Variants in BMPER observed in about 807,000 individuals in gnomAD.
The protein encoded by BMPER is BMP-binding endothelial regulator protein.
A neutral mutation model predicts 87.3 loss-of-function variants in BMPER; 45 were observed. The ratio of observed to expected loss-of-function variants is 0.52; its 90% CI spans 0.41 to 0.66. BMPER has a LOEUF of 0.66. Among genes scored for constraint, BMPER ranks in the 30% least tolerant of loss-of-function variants. BMPER has a pLI of 0.00. For synonymous variants in BMPER, 326 were observed against 316.2 expected, an observed-to-expected ratio of 1.03 and a Z score of -0.33; for missense variants, 784 against 867.5, an observed-to-expected ratio of 0.90 and a Z score of 1.21.
At position 34,085,824 on chromosome 7, in the gene BMPER, C is replaced by G. The variant is rs748815729; in HGVS notation, c.1477C>G (p.Leu493Val). Residue 493 changes from leucine (L) to valine (V), a missense_variant, in exon 13 of 15, where the codon CTC (leucine) becomes GTC (valine). Leu to Val is a conservative substitution (Grantham distance 32). Coordinates refer to ENST00000649409, the MANE Select transcript of BMPER (RefSeq NM_001365308.1). ...GGCTGCGCCGCATCTCAAGGGCAAG[C>G]TCTGTGGTCTTTGTGGCAACTACAA... Reference protein sequence around the residue: ...VMAAPHLKGKLCGLCGNYNGH... With the variant: ...VMAAPHLKGKVCGLCGNYNGH... 1.7e-5 allele frequency: 27 copies of G among 1,614,078 alleles called. No individual in the cohort carries two copies. Among genetic ancestry groups the G allele is most frequent in the African/African-American group, 2.7e-5 (2 of 74,924 alleles).
intron 11 of BMPER, among the ~76,000 whole-genome samples, chr7:34,077,706 T>G (rs1229125025): frequency 6.6e-6 from 1 of 152,224 alleles, no homozygotes; most frequent in Non-Finnish European, 1.5e-5. Context: ...CCAAACACTT[T>G]AGAAATTAAA....
chr7:34,002,277 C>T (rs941972911), intron 6 of BMPER, among the ~76,000 whole-genome samples: 1 of 151,630 alleles, frequency 6.6e-6, no homozygotes. Context: ...TACAATCATT[C>T]TGTTTTTTAC....
At chr7:34,039,323 A>C (rs183821548) in intron 6 of BMPER, among the ~76,000 whole-genome samples, 40 of 152,252 alleles carry the variant, frequency 2.6e-4, no homozygotes, top group African/African-American at 9.6e-4. Flanking sequence ...AAAAATGCGC[A>C]TTCCTGGACT....
chr7:34,034,336 TC>T (rs1468068407), intron 6 of BMPER, among the ~76,000 whole-genome samples: 2 of 152,190 alleles, frequency 1.3e-5, no homozygotes, highest in African/African-American at 2.4e-5. Flanking sequence ...CTGACATAGA[TC>T]ATCTTTCAGT....
chr7:33,960,960 A>T (rs1032687327), intron 3 of BMPER, among the ~76,000 whole-genome samples: 4 of 152,174 alleles, frequency 2.6e-5, no homozygotes, highest in African/African-American at 9.7e-5. Flanking sequence ...GTTTCATAGA[A>T]GGCTTCCTAG....
intron 5 of BMPER, 93 bp from the exon 6 acceptor site, chr7:33,974,609 G>T (rs1239005702): frequency 7.3e-6 from 9 of 1,235,424 alleles, no homozygotes; most frequent in Non-Finnish European, 1.1e-5. Context: ...GCTGTGTGGA[G>T]GTGGGCAACG....
At chr7:34,011,337 G>C (rs1337294357) in intron 6 of BMPER, among the ~76,000 whole-genome samples, 1 of 151,752 alleles carries the variant, frequency 6.6e-6, no homozygotes, top group African/African-American at 2.4e-5. Flanking sequence ...GGCATACTTT[G>C]AGTAGCAAGG....
At chr7:33,980,866 G>A (rs1035087183) in intron 6 of BMPER, among the ~76,000 whole-genome samples, 3 of 152,190 alleles carry the variant, frequency 2.0e-5, no homozygotes, top group Non-Finnish European at 4.4e-5. Flanking sequence ...AAGCCCTGAA[G>A]TCCATAAACA....
At chr7:33,974,828 G>A in intron 6 of BMPER, 44 bp downstream of exon 6, 1 of 1,584,610 alleles carries the variant, frequency 6.3e-7, no homozygotes, top group Non-Finnish European at 8.7e-7. Flanking sequence ...TTTGGGCAAA[G>A]CACTTCTTGT....
At chr7:34,105,968 C>A (rs1277674987) in intron 13 of BMPER, among the ~76,000 whole-genome samples, 1 of 152,152 alleles carries the variant, frequency 6.6e-6, no homozygotes, top group Non-Finnish European at 1.5e-5. Flanking sequence ...GCCTGTCTTC[C>A]AGATGGTATT....
chr7:34,118,667 C>T (rs959529779), intron 13 of BMPER, among the ~76,000 whole-genome samples: 1 of 152,108 alleles, frequency 6.6e-6, no homozygotes, highest in African/African-American at 2.4e-5. Flanking sequence ...GGCTAAGCAA[C>T]CATATACAAA....
At chr7:34,096,804 T>C (rs1789543137) in intron 13 of BMPER, among the ~76,000 whole-genome samples, 1 of 152,206 alleles carries the variant, frequency 6.6e-6, no homozygotes, top group Admixed American at 6.5e-5. Context: ...AATGGTCAAT[T>C]ATTCATGTCT....
chr7:34,005,701 G>T (rs1241667201), intron 6 of BMPER, among the ~76,000 whole-genome samples: 1 of 151,934 alleles, frequency 6.6e-6, no homozygotes, highest in Non-Finnish European at 1.5e-5. Flanking sequence ...CGCTGCTCTT[G>T]GCCTGACAAT....
At chr7:33,991,336 T>A (rs1354472182) in intron 6 of BMPER, among the ~76,000 whole-genome samples, 3 of 152,084 alleles carry the variant, frequency 2.0e-5, no homozygotes, top group Non-Finnish European at 4.4e-5. Context: ...CTTCCTGGTT[T>A]AGTCTTGGGA....
intron 4 of BMPER, among the ~76,000 whole-genome samples, chr7:33,967,029 CAAATT>C (rs1188081653): frequency 6.6e-6 from 1 of 152,130 alleles, no homozygotes; most frequent in East Asian, 1.9e-4. Flanking sequence ...TTCAACCTGA[CAAATT>C]AAAAAACCAC....
intron 6 of BMPER, among the ~76,000 whole-genome samples, chr7:34,021,258 ATTTCC>A (rs575939958): frequency 7.1e-4 from 108 of 151,966 alleles, no homozygotes; most frequent in Non-Finnish European, 1.2e-3. Context: ...TGTAATGAAA[ATTTCC>A]TTTATCTAAT....
intron 6 of BMPER, among the ~76,000 whole-genome samples, chr7:33,999,571 T>C (rs1270740081): frequency 6.6e-6 from 1 of 152,244 alleles, no homozygotes; most frequent in Non-Finnish European, 1.5e-5. Context: ...AGATAAAGTA[T>C]ATTTTGCCTC....
chr7:34,103,199 G>T (rs1051940091), intron 13 of BMPER, among the ~76,000 whole-genome samples: 17 of 152,130 alleles, frequency 1.1e-4, no homozygotes, highest in African/African-American at 4.1e-4. Flanking sequence ...TGGGAATAGG[G>T]ATATGAAGTA....
intron 13 of BMPER, among the ~76,000 whole-genome samples, chr7:34,111,916 TAGTC>T (rs987073192): frequency 6.6e-6 from 1 of 152,088 alleles, no homozygotes; most frequent in African/African-American, 2.4e-5. Context: ...TTCTCCATGT[TAGTC>T]AGGCTGATCT....
Sources: allele counts gnomAD v4.1 joint callset (sites outside exome capture counted in the v4.1 genomes callset), GRCh38; gene constraint gnomAD v4.1.1; transcripts MANE v1.5; gene names NCBI Gene and HGNC (gene_info 2026-07-23, HGNC 2026-07-21).